COL4A2: variants seen among roughly 807,000 people sequenced by gnomAD.
COL4A2 encodes the protein collagen alpha-2(IV) chain.
A neutral mutation model predicts 200.2 loss-of-function variants in COL4A2; 99 were observed. That is an observed-to-expected ratio of 0.49 (90% CI 0.42 to 0.58). The LOEUF is 0.58. COL4A2 is among the 20% of genes least tolerant of loss of function. The pLI is 0.00. For missense variants in COL4A2, 1,950 were observed against 2,314.1 expected, an observed-to-expected ratio of 0.84 and a Z score of 3.23; for synonymous variants, 897 against 900.6, an observed-to-expected ratio of 1.00 and a Z score of 0.07.
chr13:110,311,674 C>T (rs1027287800), intron 3 of COL4A2, among the ~76,000 whole-genome samples: 7 of 152,216 alleles, frequency 4.6e-5, no homozygotes, highest in Non-Finnish European at 8.8e-5. Context: ...CTATTCTAAC[C>T]TTCATGGAGG....
intron 3 of COL4A2, among the ~76,000 whole-genome samples, chr13:110,318,520 G>C (rs577428199): frequency 6.6e-6 from 1 of 152,274 alleles, no homozygotes; most frequent in Admixed American, 6.5e-5. Flanking sequence ...CACTCACCCT[G>C]CTCACAGGAA....
chr13:110,467,165 C>A, intron 27 of COL4A2, 69 bp downstream of exon 27: 8 of 1,592,220 alleles, frequency 5.0e-6, no homozygotes, highest in Non-Finnish European at 6.9e-6. Flanking sequence ...TGTGTCTCCC[C>A]CGCCCATCTT....
intron 17 of COL4A2, among the ~76,000 whole-genome samples, 156 bp downstream of exon 17, chr13:110,446,038 A>T (rs1167111817): frequency 6.6e-6 from 1 of 152,174 alleles, no homozygotes; most frequent in African/African-American, 2.4e-5. Flanking sequence ...GACGAGGTGG[A>T]TGGTGACCTA....
chr13:110,349,766 C>CT (rs200067934), intron 3 of COL4A2, among the ~76,000 whole-genome samples: 2,522 of 145,456 alleles, frequency 0.017, 31 homozygotes, highest in East Asian at 0.058. Context: ...TTCATATCTT[C>CT]TTTTTTTTTT....
At chr13:110,394,929 C>G (rs1879132193) in intron 4 of COL4A2, among the ~76,000 whole-genome samples, 1 of 152,214 alleles carries the variant, frequency 6.6e-6, no homozygotes, top group Admixed American at 6.5e-5. Context: ...TAAAAAAGAT[C>G]TGATGGAATT....
intron 4 of COL4A2, among the ~76,000 whole-genome samples, chr13:110,376,291 A>G (rs1009329634): frequency 1.3e-5 from 2 of 152,192 alleles, no homozygotes; most frequent in Non-Finnish European, 2.9e-5. Flanking sequence ...TTCCTGGCAG[A>G]GCAACAGTCT....
In COL4A2 at chr13:110,508,349, C is replaced by T. The variant is rs1224109060; in HGVS notation, c.4881+128C>T. ...GTGCACTGCACAAGGGTAGTTGGCCCAGGAAGCGAGCGAGAGCTGGAACAC... is the reference window on the plus strand; with the variant it reads ...GTGCACTGCACAAGGGTAGTTGGCCTAGGAAGCGAGCGAGAGCTGGAACAC... On this transcript the variant is annotated intron_variant, in intron 47 of 47. Coordinates refer to ENST00000360467, the MANE Select transcript of COL4A2 (RefSeq NM_001846.4). This position sits in a 1 kb window ranked among gnomAD's most constrained non-coding sequence, Gnocchi z 6.1. The T allele has an allele frequency of 2.7e-6, 4 of 1,456,936 alleles. No homozygotes were observed. The Admixed American group carries it at 8.0e-5, about 29-fold the overall frequency. The allele number at this position is 1,456,936 out of a possible 1,614,324, so 90.3% of individuals were successfully genotyped here. A position where few individuals can be genotyped will look rare whatever the true frequency, so the allele number is the denominator to read the frequency against.
At chr13:110,395,544 C>T (rs1879154120) in intron 4 of COL4A2, among the ~76,000 whole-genome samples, 1 of 152,182 alleles carries the variant, frequency 6.6e-6, no homozygotes, top group Non-Finnish European at 1.5e-5. Flanking sequence ...CTGTGATTTT[C>T]ATTTTACATT....
Position 110,508,322 on chromosome 13 carries a change from G to A in COL4A2, c.4881+101G>A. ...GAAGAATCAGACACGGCAGTCCAGGGTGTGCACTGCACAAGGGTAGTTGGC... is the reference window on the plus strand; with the variant it reads ...GAAGAATCAGACACGGCAGTCCAGGATGTGCACTGCACAAGGGTAGTTGGC... On this transcript the variant is annotated intron_variant, in intron 47 of 47. Coordinates refer to ENST00000360467, the MANE Select transcript of COL4A2 (RefSeq NM_001846.4). The surrounding 1 kb of genome is among the most constrained non-coding windows in gnomAD (Gnocchi z 6.1). 1 of 1,542,414 alleles carries A rather than the reference G, an allele frequency of 6.5e-7. No homozygotes were observed. The highest frequency in any genetic ancestry group is 1.4e-5 in the African/African-American group (1 of 73,990).
At chr13:110,331,804 C>G (rs578221813) in intron 3 of COL4A2, among the ~76,000 whole-genome samples, 3 of 152,168 alleles carry the variant, frequency 2.0e-5, no homozygotes, top group Non-Finnish European at 4.4e-5. Context: ...TGGTTATTCT[C>G]TCTGTGATCT....
chr13:110,395,362 T>G (rs1015084176), intron 4 of COL4A2, among the ~76,000 whole-genome samples: 5 of 152,144 alleles, frequency 3.3e-5, no homozygotes, highest in Non-Finnish European at 1.5e-5. Flanking sequence ...AGGGGTTTCA[T>G]TCATTGTGGA....
At chr13:110,457,824 A>G in intron 21 of COL4A2, 3 of 472,028 alleles carry the variant, frequency 6.4e-6, no homozygotes, top group South Asian at 1.6e-5. Context: ...AGCTCTGTCC[A>G]TAGCAAGGTG....
chr13:110,481,652 G>A (rs867938660), intron 31 of COL4A2, among the ~76,000 whole-genome samples: 1,188 of 23,536 alleles, frequency 0.05, 10 homozygotes, highest in East Asian at 0.12. Context: ...CTGTCCTTCC[G>A]TTGCTGGAGA....
chr13:110,318,555 C>T (rs1419400175), intron 3 of COL4A2, among the ~76,000 whole-genome samples: 1 of 152,202 alleles, frequency 6.6e-6, no homozygotes, highest in Non-Finnish European at 1.5e-5. Context: ...GCATGGGCCC[C>T]ACAGAAATAG....
intron 15 of COL4A2, among the ~76,000 whole-genome samples, 190 bp downstream of exon 15, chr13:110,438,858 G>T (rs1304664989): frequency 7.2e-6 from 1 of 138,816 alleles, no homozygotes; most frequent in Admixed American, 7.6e-5. Context: ...AGCACTGGGG[G>T]CTGCGCTGGC....
At chr13:110,469,610 T>A (rs1185917576) in intron 28 of COL4A2, among the ~76,000 whole-genome samples, 3 of 152,192 alleles carry the variant, frequency 2.0e-5, no homozygotes, top group African/African-American at 7.2e-5. Flanking sequence ...GTCCTCAGTG[T>A]TAATAATGAT....
chr13:110,400,487 C>G (rs966985213), intron 4 of COL4A2, among the ~76,000 whole-genome samples: 1 of 152,030 alleles, frequency 6.6e-6, no homozygotes, highest in African/African-American at 2.4e-5. Flanking sequence ...AAAATTAAGA[C>G]AGCAGAAAGT....
intron 21 of COL4A2, 94 bp downstream of exon 21, chr13:110,457,529 T>G: frequency 1.3e-6 from 1 of 790,190 alleles, no homozygotes; most frequent in Non-Finnish European, 2.2e-6. Flanking sequence ...ACTCACGTGT[T>G]TGGACATGAA....
At chr13:110,510,376 G>A (rs1219746035) in intron 47 of COL4A2, among the ~76,000 whole-genome samples, 1 of 152,226 alleles carries the variant, frequency 6.6e-6, no homozygotes, top group Non-Finnish European at 1.5e-5. Flanking sequence ...GAGGCTACAA[G>A]TATCTAGCCA....
Sources: gnomAD v4.1 joint callset for allele counts (sites outside exome capture counted in the v4.1 genomes callset) on GRCh38, gnomAD v4.1.1 for gene constraint, Gnocchi (gnomAD v3.1) non-coding constraint, MANE v1.5 for transcripts, NCBI Gene and HGNC (gene_info 2026-07-23, HGNC 2026-07-21) for gene names.